KCNH2: variants seen among roughly 807,000 people sequenced by gnomAD.
The protein encoded by KCNH2 is voltage-gated inwardly rectifying potassium channel KCNH2.
Under a neutral mutation model 95.9 loss-of-function variants are expected in KCNH2, and 35 were observed. The observed-to-expected ratio is 0.37, with a 90% CI of 0.28 to 0.48. The LOEUF is 0.48. Ranked by LOEUF, KCNH2 falls within the 20% of genes least tolerant of loss-of-function variation. KCNH2 has a pLI of 0.99. For synonymous variants in KCNH2, 786 were observed against 754.7 expected (o/e 1.04, Z -0.68); for missense variants, 1,274 against 1,702.9 (o/e 0.75, Z 4.43).
rs1381007695 is a variant in KCNH2 at position 150,947,389 on chromosome 7, C to A, written c.3091G>T (p.Gly1031Cys). 5.2e-6 allele frequency: 8 copies of A among 1,549,998 alleles called. No individual in the cohort carries two copies. Among genetic ancestry groups the A allele is most frequent in the Non-Finnish European group, 6.1e-6 (7 of 1,147,306 alleles). Residue 1031 changes from glycine (G) to cysteine (C), a missense_variant, in exon 13 of 15, where the codon GGT becomes TGT. By Grantham distance (159) the Gly-to-Cys change is radical. Transcript: ENST00000262186. ...SLLNIPLSSPGRRPRGDVESR... is the reference protein window; with the variant it reads ...SLLNIPLSSPCRRPRGDVESR... ...TCCACGTCGCCCCGGGGCCGCCGAC[C>A]CGGGCTGGAGAGGGGGATGTTGAGG...
rs974990528 is a variant in KCNH2, at chr7:150,974,772, G to A, written c.246C>T (p.Ile82=). The A allele has an allele frequency of 6.2e-7, 1 of 1,606,476 alleles. No homozygotes were observed. Among genetic ancestry groups the A allele is most frequent in the Non-Finnish European group, 8.5e-7 (1 of 1,176,936 alleles). ...PRTQRRAAAQ[I]AQALLGAEER... ...CCTCGGCGCCCAGCAGTGCCTGCGCGATCTGCGCGGCAGCGCGGCGCTGCG... is the reference window on the plus strand; with the variant it reads ...CCTCGGCGCCCAGCAGTGCCTGCGCAATCTGCGCGGCAGCGCGGCGCTGCG... Residue 82 remains isoleucine, a synonymous_variant, in exon 2 of 15, where the codon ATC becomes ATT. Transcript: ENST00000262186.
In KCNH2 at chr7:150,948,907, C is replaced by T; in HGVS notation, c.2541G>A (p.Glu847=). The T allele has an allele frequency of 6.2e-7, 1 of 1,614,216 alleles. No individual in the cohort carries two copies. Residue 847 remains glutamate, a synonymous_variant, in exon 10 of 15, where the codon GAG becomes GAA. Coordinates refer to ENST00000262186, the MANE Select transcript of KCNH2 (RefSeq NM_000238.4). ...DLLEVLDMYP[E]FSDHFWSSLE... is the part of the protein sequence containing the mutation. ...GGCTGGACCAGAAGTGGTCGGAGAA[C>T]TCAGGGTACATGTCCAGCACCTCCA...
chr7:150,947,190 C>A, intron 13 of KCNH2, 136 bp from the exon 14 acceptor site: 1 of 1,111,772 alleles, frequency 9.0e-7, no homozygotes, highest in Admixed American at 2.5e-5. Context: ...TGTGGCAGCC[C>A]CCAGCTGGGC....
In KCNH2 at chr7:150,951,554, C is replaced by A; in HGVS notation, c.1839G>T (p.Thr613=). The A allele has an allele frequency of 6.2e-7, 1 of 1,614,148 alleles. No homozygotes were observed. Among genetic ancestry groups the A allele is most frequent in the South Asian group, 1.1e-5 (1 of 91,078 alleles). Reference sequence around the variant, plus strand: ...GGCTGCTGAAGGTGAAGTAGAGCGCCGTCACATACTTGTCCTTGATGGAGG... The same window carrying A: ...GGCTGCTGAAGGTGAAGTAGAGCGCAGTCACATACTTGTCCTTGATGGAGG... ...GGPSIKDKYV[T]ALYFTFSSLT... Residue 613 remains threonine (T), a synonymous_variant, in exon 7 of 15, where the codon ACG becomes ACT. Coordinates refer to ENST00000262186, the MANE Select transcript of KCNH2 (RefSeq NM_000238.4).
At chr7:150,951,265 C>A in intron 7 of KCNH2, 145 bp from the exon 8 acceptor site, 1 of 997,716 alleles carries the variant, frequency 1.0e-6, no homozygotes, top group South Asian at 1.5e-5. Context: ...TGCGCTCCAG[C>A]ACACCCCACC....
chr7:150,957,786 C>G (rs1801427433), intron 4 of KCNH2, among the ~76,000 whole-genome samples: 1 of 152,246 alleles, frequency 6.6e-6, no homozygotes, highest in Admixed American at 6.5e-5. Flanking sequence ...GGGCACGTCT[C>G]CTGCCCAGGG....
intron 2 of KCNH2, among the ~76,000 whole-genome samples, chr7:150,974,214 G>A (rs1801910693): frequency 6.6e-6 from 1 of 152,332 alleles, no homozygotes; most frequent in African/African-American, 2.4e-5. Flanking sequence ...GAGGGGGGCA[G>A]CAGAGACAGC....
At chr7:150,956,971 C>T (rs1271361455) in intron 5 of KCNH2, among the ~76,000 whole-genome samples, 1 of 152,164 alleles carries the variant, frequency 6.6e-6, no homozygotes, top group Admixed American at 6.5e-5. Context: ...TTGCTACTGG[C>T]CCTGTCATGT....
At chr7:150,977,191 G>T (rs546505668) in intron 1 of KCNH2, among the ~76,000 whole-genome samples, 1 of 152,276 alleles carries the variant, frequency 6.6e-6, no homozygotes, top group South Asian at 2.1e-4. Context: ...GGGTACCACA[G>T]GGAGCTGCTT....
chr7:150,948,956 TGTAGGTCACA>T lies in KCNH2; in HGVS notation c.2482_2491del (p.Cys828ThrfsTer37), dbSNP rs1554424829. On this transcript the variant is annotated frameshift_variant, in exon 10 of 15. Coordinates refer to ENST00000262186, the MANE Select transcript of KCNH2 (RefSeq NM_000238.4). LOFTEE classifies it high-confidence loss of function. Reference sequence around the variant, plus strand: ...CAGCAGGTCGTCCCGATGGATCTTGTGTAGGTCACAGTAGGTGAGGGCCCGCACATCCCCG... The same window carrying T: ...CAGCAGGTCGTCCCGATGGATCTTGTGTAGGTGAGGGCCCGCACATCCCCG... 1 of 1,614,174 alleles carries T rather than the reference TGTAGGTCACA, an allele frequency of 6.2e-7. No homozygotes were observed. The highest frequency in any genetic ancestry group is 8.5e-7 in the Non-Finnish European group (1 of 1,180,034).
At position 150,952,544 on chromosome 7, in the gene KCNH2, C is replaced by T. The variant is rs267601413; in HGVS notation, c.1438G>A (p.Glu480Lys). Residue 480 changes from glutamate to lysine, a missense_variant, in exon 6 of 15, where the codon GAG becomes AAG. Transcript: ENST00000262186. The surrounding 1 kb of genome is among the most constrained non-coding windows in gnomAD (Gnocchi z 7.3). ...CGGCCGGGGTGGCTGACCACCTCCT[C>T]GTTGGCATTGACGTAGGTGGTGCGG... ...NFRTTYVNAN[E>K]EVVSHPGRIA... 1 of 1,614,202 alleles carries T rather than the reference C, an allele frequency of 6.2e-7. No individual in the cohort carries two copies. The highest frequency in any genetic ancestry group is 8.5e-7 in the Non-Finnish European group (1 of 1,180,034).
At position 150,949,616 on chromosome 7, in the gene KCNH2, C is replaced by T. The variant is rs529998699; in HGVS notation, c.2398+552G>A. 42 of 1,083,212 alleles carry T rather than the reference C, an allele frequency of 3.9e-5. No individual in the cohort carries two copies. The South Asian group carries it at 4.8e-4, about 12-fold the overall frequency. The allele number at this position is 1,083,212 out of a possible 1,614,324, so 67.1% of individuals were successfully genotyped here. A position where few individuals can be genotyped will look rare whatever the true frequency, so the allele number is the denominator to read the frequency against. On this transcript the variant is annotated intron_variant, in intron 9 of 14. Transcript: ENST00000262186. ...AAAATGTCCTACCATCAACTATGGT[C>T]GAAAGAGCTTGCTATATCTGCCCTG...
At chr7:150,948,671 G>T in intron 10 of KCNH2, 128 bp from the exon 11 acceptor site, 2 of 1,092,372 alleles carry the variant, frequency 1.8e-6, no homozygotes, top group East Asian at 2.5e-5. Flanking sequence ...ACCCTTCCCT[G>T]CCCCCAATGT....
At position 150,950,400 on chromosome 7, in the gene KCNH2, C is replaced by T. The variant is rs1201327312; in HGVS notation, c.2166G>A (p.Glu722=). ...GCAGGCAGATGTCAGCCTGCAGGCA[C>T]TCAGGGAAGCCCTTCAGCACCTGGG... ...DMNAVLKGFP[E]CLQADICLHL... Residue 722 remains glutamate (E), a synonymous_variant, in exon 9 of 15, where the codon GAG becomes GAA. Transcript: ENST00000262186. 2 of 1,612,032 alleles carry T rather than the reference C, an allele frequency of 1.2e-6. No homozygotes were observed. The highest frequency in any genetic ancestry group is 2.7e-5 in the African/African-American group (2 of 74,898).
chr7:150,951,904 CGG>C, intron 6 of KCNH2, 69 bp from the exon 7 acceptor site: 1 of 1,425,136 alleles, frequency 7.0e-7, no homozygotes, highest in Non-Finnish European at 9.5e-7. Context: ...GGAGGTGCTG[CGG>C]CCCTCAGAGC....
At chr7:150,963,281 G>A (rs188444266) in intron 2 of KCNH2, among the ~76,000 whole-genome samples, 304 of 152,332 alleles carry the variant, frequency 2.0e-3, no homozygotes, top group African/African-American at 7.0e-3. Flanking sequence ...GAGGGGGCAT[G>A]GGCTGTGGAG....
In KCNH2 at chr7:150,948,419, CCCTTCCTCCCCT is replaced by C; in HGVS notation, c.2692+13_2692+24del. 3 of 1,297,830 alleles carry C rather than the reference CCCTTCCTCCCCT, an allele frequency of 2.3e-6. No homozygotes were observed. Among genetic ancestry groups the C allele is most frequent in the Admixed American group, 1.7e-5 (1 of 57,308 alleles). The allele number at this position is 1,297,830 out of a possible 1,614,324, so 80.4% of individuals were successfully genotyped here. A position where few individuals can be genotyped will look rare whatever the true frequency, so the allele number is the denominator to read the frequency against. ...CAGCCTCACCTTGTCCCCGCCCTCC[CCCTTCCTCCCCT>C]CCCCCGCCTCACCCTTGTCCGTGCG... On this transcript the variant is annotated intron_variant, in intron 11 of 14. Transcript: ENST00000262186.
In KCNH2 at chr7:150,946,223, TGCAGAG is replaced by T. The variant is rs41312084; in HGVS notation, c.3330+648_3330+653del. ...GAGGTTGACACAGACACCGCCATCC[TGCAGAG>T]GCCAGGAACATGCAGGTCCACCCAG... On this transcript the variant is annotated intron_variant, in intron 14 of 14. Transcript: ENST00000262186. The surrounding 1 kb of genome is among the most constrained non-coding windows in gnomAD (Gnocchi z 6.5). Among the ~76,000 whole-genome samples, 15,675 of 152,090 alleles carry T rather than the reference TGCAGAG, an allele frequency of 0.1. 840 individuals are homozygous for T. Among genetic ancestry groups the T allele is most frequent in the African/African-American group, 0.12 (4,827 of 41,460 alleles).
intron 2 of KCNH2, among the ~76,000 whole-genome samples, chr7:150,971,786 G>A (rs1801846194): frequency 6.6e-6 from 1 of 152,028 alleles, no homozygotes. Context: ...CAGGCTGGCT[G>A]AGCACGGTGG....
Sources: gnomAD v4.1 joint callset for allele counts (sites outside exome capture counted in the v4.1 genomes callset) on GRCh38, gnomAD v4.1.1 for gene constraint, Gnocchi (gnomAD v3.1) non-coding constraint, MANE v1.5 for transcripts, NCBI Gene and HGNC (gene_info 2026-07-23, HGNC 2026-07-21) for gene names.